TMEM117: variants seen among roughly 807,000 people sequenced by gnomAD.
TMEM117 encodes transmembrane protein 117.
A neutral mutation model predicts 52.4 loss-of-function variants in TMEM117; 27 were observed. The ratio of observed to expected loss-of-function variants is 0.51; its 90% CI spans 0.38 to 0.71. TMEM117 has a LOEUF of 0.71. Among genes scored for constraint, TMEM117 ranks in the 30% least tolerant of loss-of-function variants. The pLI is 0.00. For missense variants in TMEM117, 556 were observed against 630.5 expected (o/e 0.88, Z 1.26); for synonymous variants, 215 against 206.3 (o/e 1.04, Z -0.36).
chr12:43,986,867 T>C (rs1945855949), intron 3 of TMEM117, among the ~76,000 whole-genome samples: 1 of 152,200 alleles, frequency 6.6e-6, no homozygotes, highest in South Asian at 2.1e-4. Context: ...TTCTGCTGTT[T>C]AACCTACCAA....
At chr12:44,332,797 T>C (rs1951290023) in intron 6 of TMEM117, among the ~76,000 whole-genome samples, 1 of 150,980 alleles carries the variant, frequency 6.6e-6, no homozygotes, top group Non-Finnish European at 1.5e-5. Flanking sequence ...AGAAATAAAC[T>C]GTCCTAAATT....
chr12:43,921,863 T>G (rs1293011073), intron 2 of TMEM117, among the ~76,000 whole-genome samples: 2 of 152,084 alleles, frequency 1.3e-5, no homozygotes, highest in Non-Finnish European at 2.9e-5. Flanking sequence ...TGACATTCTT[T>G]CCATTCCACT....
At chr12:44,359,378 GAT>G (rs1951692757) in intron 6 of TMEM117, among the ~76,000 whole-genome samples, 1 of 151,832 alleles carries the variant, frequency 6.6e-6, no homozygotes, top group African/African-American at 2.4e-5. Context: ...AAACTAATTT[GAT>G]ATATTACCTT....
chr12:44,092,073 T>G (rs1464604223), intron 3 of TMEM117, among the ~76,000 whole-genome samples: 1 of 152,196 alleles, frequency 6.6e-6, no homozygotes, highest in Non-Finnish European at 1.5e-5. Flanking sequence ...TGCCTCATCT[T>G]GGAATATGAA....
At chr12:43,813,231 G>GCTTTTT in the TMEM117 span, among the ~76,000 whole-genome samples, 19 of 62,618 alleles carry the variant, frequency 3.0e-4, no homozygotes, top group African/African-American at 1.1e-3. Context: ...GTTTTCTCTT[G>GCTTTTT]TTTTTTTTTT....
At chr12:44,038,369 A>G (rs1427113380) in intron 3 of TMEM117, among the ~76,000 whole-genome samples, 1 of 152,096 alleles carries the variant, frequency 6.6e-6, no homozygotes, top group Non-Finnish European at 1.5e-5. Flanking sequence ...CAGCCGTGGA[A>G]GCTGCTTGTG....
intron 5 of TMEM117, among the ~76,000 whole-genome samples, chr12:44,257,461 C>T (rs1380607102): frequency 6.6e-6 from 1 of 152,090 alleles, no homozygotes; most frequent in Non-Finnish European, 1.5e-5. Context: ...GAGGAAGGAC[C>T]TTGCCTGTCA....
At chr12:44,133,652 TGAG>T (rs1948447964) in intron 3 of TMEM117, among the ~76,000 whole-genome samples, 1 of 152,106 alleles carries the variant, frequency 6.6e-6, no homozygotes, top group Non-Finnish European at 1.5e-5. Flanking sequence ...TATGGGGCAA[TGAG>T]AACTAATTCA....
chr12:43,855,361 C>G (rs1438970363), intron 2 of TMEM117, among the ~76,000 whole-genome samples: 1 of 151,746 alleles, frequency 6.6e-6, no homozygotes, highest in Non-Finnish European at 1.5e-5. Flanking sequence ...CTGCCGGGTT[C>G]AAGGGATTCT....
At chr12:44,063,342 T>C (rs1458578504) in intron 3 of TMEM117, among the ~76,000 whole-genome samples, 3 of 152,166 alleles carry the variant, frequency 2.0e-5, no homozygotes, top group Non-Finnish European at 4.4e-5. Context: ...TTATTAGCAA[T>C]GTCAGTCTGC....
intron 4 of TMEM117, among the ~76,000 whole-genome samples, chr12:44,178,861 G>T (rs1012074263): frequency 6.6e-6 from 1 of 152,072 alleles, no homozygotes; most frequent in Admixed American, 6.6e-5. Flanking sequence ...ATTAGTCAGG[G>T]TTCTCCAGAG....
upstream of TMEM117, among the ~76,000 whole-genome samples, chr12:43,832,632 A>G (rs1327500884): frequency 2.0e-5 from 3 of 152,348 alleles, no homozygotes; most frequent in East Asian, 5.8e-4. Context: ...TATTCATTAT[A>G]TCAGGTCTCC....
chr12:44,197,039 T>C lies in TMEM117; in HGVS notation c.511-14251T>C, dbSNP rs535798173. The stretch of plus-strand genomic sequence containing the variant: ...TGAACCATTTTGATAAGTGGTATTA[T>C]GCAAACAAAATGGCAGGCTACCTAG... On this transcript the variant is annotated intron_variant, in intron 4 of 7. Coordinates refer to ENST00000266534, the MANE Select transcript of TMEM117 (RefSeq NM_032256.3). Among the ~76,000 whole-genome samples, 3 of 152,322 alleles carry C rather than the reference T, an allele frequency of 2.0e-5. No individual in the cohort carries two copies. In the East Asian group the frequency reaches 5.8e-4, roughly 29 times the overall value.
At chr12:44,305,930 A>G (rs1364875151) in intron 6 of TMEM117, among the ~76,000 whole-genome samples, 1 of 152,236 alleles carries the variant, frequency 6.6e-6, no homozygotes, top group Non-Finnish European at 1.5e-5. Context: ...ACACCATGGC[A>G]TACTATACAG....
At chr12:43,969,932 C>T (rs1433161764) in intron 3 of TMEM117, among the ~76,000 whole-genome samples, 2 of 152,152 alleles carry the variant, frequency 1.3e-5, no homozygotes, top group East Asian at 3.8e-4. Flanking sequence ...ATCTCCTTAT[C>T]CCCAGTTTTT....
intron 6 of TMEM117, among the ~76,000 whole-genome samples, chr12:44,362,779 G>T (rs1951738239): frequency 6.6e-6 from 1 of 151,504 alleles, no homozygotes. Context: ...CACAACTGTG[G>T]GCAAACATCT....
chr12:43,981,499 C>T (rs1217165987), intron 3 of TMEM117, among the ~76,000 whole-genome samples: 2 of 152,110 alleles, frequency 1.3e-5, no homozygotes, highest in African/African-American at 4.8e-5. Flanking sequence ...AACTAAAGTG[C>T]CTGCTTTGTT....
chr12:43,994,551 A>G (rs2407788), intron 3 of TMEM117, among the ~76,000 whole-genome samples: 108,676 of 152,076 alleles, frequency 0.71, 43,931 homozygotes, highest in Non-Finnish European at 0.88. Flanking sequence ...CAAATAAACA[A>G]CATCAACAAA....
chr12:44,084,726 G>A (rs866393602), intron 3 of TMEM117, among the ~76,000 whole-genome samples: 5 of 151,988 alleles, frequency 3.3e-5, no homozygotes, highest in Non-Finnish European at 7.4e-5. Flanking sequence ...TTTACTTATC[G>A]ACTTCATATA....
Sources: allele counts gnomAD v4.1 joint callset (sites outside exome capture counted in the v4.1 genomes callset), GRCh38; gene constraint gnomAD v4.1.1; transcripts MANE v1.5; gene names NCBI Gene and HGNC (gene_info 2026-07-23, HGNC 2026-07-21).